Variants in TAF4B observed in about 807,000 individuals in gnomAD.
TAF4B encodes the protein transcription initiation factor TFIID subunit 4B.
In TAF4B, 38 loss-of-function variants were observed where a neutral mutation model predicts 86.4. The observed-to-expected ratio is 0.44, with a 90% CI of 0.34 to 0.58. The LOEUF is 0.58. Ranked by LOEUF, TAF4B falls within the 20% of genes least tolerant of loss-of-function variation. The pLI is 0.02. For missense variants in TAF4B, 988 were observed against 1,027.6 expected, an observed-to-expected ratio of 0.96 and a Z score of 0.53; for synonymous variants, 388 against 391.2, an observed-to-expected ratio of 0.99 and a Z score of 0.10.
intron 7 of TAF4B, among the ~76,000 whole-genome samples, chr18:26,291,349 C>T (rs1200600442): frequency 1.3e-5 from 2 of 151,948 alleles, no homozygotes; most frequent in Non-Finnish European, 2.9e-5. Flanking sequence ...CAGCCTCCGC[C>T]TCCTGCTTTC....
chr18:26,329,018 C>G (rs2057030108), intron 12 of TAF4B, among the ~76,000 whole-genome samples: 1 of 151,958 alleles, frequency 6.6e-6, no homozygotes, highest in Non-Finnish European at 1.5e-5. Flanking sequence ...TCCTCCCTTT[C>G]TTTCTTCTTC....
chr18:26,308,245 AAGAG>A lies in TAF4B; in HGVS notation c.1833-6976_1833-6973del, dbSNP rs538211929. 5.9e-5 allele frequency among the ~76,000 whole-genome samples: 9 copies of A among 152,288 alleles called. No homozygotes were observed. In the South Asian group the frequency reaches 1.9e-3, roughly 32 times the overall value. On this transcript the variant is annotated intron_variant, in intron 9 of 14. Transcript: ENST00000269142. ...CTCCAGCCTGGGTGTCTTAATAAAA[AAGAG>A]AGAGAGAAAAAAGAAATGAGGTTGT...
At chr18:26,240,307 G>T (rs533550060) in intron 1 of TAF4B, among the ~76,000 whole-genome samples, 36 of 152,294 alleles carry the variant, frequency 2.4e-4, no homozygotes, top group East Asian at 9.6e-4. Flanking sequence ...CACGTCCCTT[G>T]TAAGTTGGAT....
Position 26,274,978 on chromosome 18 carries a change from A to T in TAF4B, c.807A>T (p.Leu269Phe), listed in dbSNP as rs2056366631. 3.1e-6 allele frequency: 5 copies of T among 1,613,124 alleles called. No individual in the cohort carries two copies. Among genetic ancestry groups the T allele is most frequent in the African/African-American group, 1.3e-5 (1 of 74,896 alleles). Residue 269 changes from leucine (L) to phenylalanine (F), a missense_variant, in exon 5 of 15, where the codon TTA becomes TTT. Coordinates refer to ENST00000269142, the MANE Select transcript of TAF4B (RefSeq NM_005640.3). ...VKKCKNFLAM[L>F]IKLACSGSQS... ...AATGCAAGAACTTCCTTGCAATGTTAATAAAACTAGCATGTAGTGGATCAC... is the reference window on the plus strand; with the variant it reads ...AATGCAAGAACTTCCTTGCAATGTTTATAAAACTAGCATGTAGTGGATCAC...
At chr18:26,242,540 T>C (rs1466320142) in intron 1 of TAF4B, among the ~76,000 whole-genome samples, 3 of 152,186 alleles carry the variant, frequency 2.0e-5, no homozygotes. Context: ...CTTTATCCAG[T>C]TTGCCAGTCT....
At chr18:26,244,533 G>T (rs916595674) in intron 1 of TAF4B, among the ~76,000 whole-genome samples, 1 of 152,140 alleles carries the variant, frequency 6.6e-6, no homozygotes, top group African/African-American at 2.4e-5. Flanking sequence ...CCTGGGTGAG[G>T]CGATGCCCCC....
intron 11 of TAF4B, among the ~76,000 whole-genome samples, chr18:26,326,146 T>A (rs2057002720): frequency 6.6e-6 from 1 of 152,180 alleles, no homozygotes; most frequent in Non-Finnish European, 1.5e-5. Flanking sequence ...AAACATTGAT[T>A]AGAAAGCTCT....
At chr18:26,249,478 A>T (rs1540098) in intron 1 of TAF4B, among the ~76,000 whole-genome samples, 335 of 114,110 alleles carry the variant, frequency 2.9e-3, no homozygotes, top group African/African-American at 0.011. Flanking sequence ...TCTCTCTCTC[A>T]AAAAAAAAAA....
chr18:26,343,703 C>T (rs1259435849), intron 13 of TAF4B, among the ~76,000 whole-genome samples: 2 of 152,106 alleles, frequency 1.3e-5, no homozygotes, highest in East Asian at 1.9e-4. Flanking sequence ...ATGGAAAATA[C>T]ACTATGTGCA....
rs377189550 is a variant in TAF4B, at chr18:26,274,711, T to C, written c.646T>C (p.Leu216=). 31 of 1,614,062 alleles carry C rather than the reference T, an allele frequency of 1.9e-5. No homozygotes were observed. Among genetic ancestry groups the C allele is most frequent in the East Asian group, 4.5e-5 (2 of 44,890 alleles). ...SVVTVTPGKP[L]NTVTTLKPSS... is the part of the protein sequence containing the mutation. ...CGTCACAGTTACTCCTGGAAAGCCATTGAATACTGTAACTACCCTGAAGCC... is the reference window on the plus strand; with the variant it reads ...CGTCACAGTTACTCCTGGAAAGCCACTGAATACTGTAACTACCCTGAAGCC... The change falls in exon 4 of 15, where the codon TTG becomes CTG. Residue 216 remains leucine (L), a synonymous_variant. Transcript: ENST00000269142.
In TAF4B at chr18:26,261,212, C is replaced by T. The variant is rs562451940; in HGVS notation, c.344-3958C>T. Among the ~76,000 whole-genome samples, 671 of 117,210 alleles carry T rather than the reference C, an allele frequency of 5.7e-3. 11 individuals are homozygous for T. The highest frequency in any genetic ancestry group is 0.019 in the African/African-American group (613 of 32,258). The allele number at this position is 117,210 out of a possible 152,430, so 76.9% of individuals were successfully genotyped here. The stretch of plus-strand genomic sequence containing the variant: ...TTTTTTTTTTTTTGAGACGGAGTCT[C>T]GCTCTGTCGCCCAGGCTGGAGTGCA... On this transcript the variant is annotated intron_variant, in intron 1 of 14. Coordinates refer to ENST00000269142, the MANE Select transcript of TAF4B (RefSeq NM_005640.3).
chr18:26,292,693 T>C (rs548741963), intron 8 of TAF4B, among the ~76,000 whole-genome samples: 1 of 152,226 alleles, frequency 6.6e-6, no homozygotes, highest in South Asian at 2.1e-4. Flanking sequence ...TGGCTAATTT[T>C]TGTATTTTTA....
At chr18:26,308,941 C>T (rs1449745615) in intron 9 of TAF4B, among the ~76,000 whole-genome samples, 1 of 149,474 alleles carries the variant, frequency 6.7e-6, no homozygotes, top group East Asian at 2.0e-4. Context: ...TAGGAAAGAG[C>T]TAGTACATAC....
In TAF4B at chr18:26,227,164, C is replaced by T; in HGVS notation, c.231C>T (p.Ser77=). 1 of 1,614,122 alleles carries T rather than the reference C, an allele frequency of 6.2e-7. No individual in the cohort carries two copies. The highest frequency in any genetic ancestry group is 1.1e-5 in the South Asian group (1 of 91,088). Residue 77 remains serine, a synonymous_variant, in exon 1 of 15, where the codon AGC becomes AGT. Transcript: ENST00000269142. ...GTLVTKVAPV[S]APPKVSSGPR... ...TGGTGACCAAAGTGGCTCCGGTCAG[C>T]GCCCCTCCTAAAGTCAGCAGCGGCC...
chr18:26,233,349 G>C (rs2055701159), intron 1 of TAF4B, among the ~76,000 whole-genome samples: 3 of 152,118 alleles, frequency 2.0e-5, no homozygotes, highest in African/African-American at 7.2e-5. Context: ...CTAGCGGTGG[G>C]GGCGCTGCTG....
rs536863843 is a variant in TAF4B at position 26,231,034 on chromosome 18, C to CTTTTTTTTTTTTTTTTTT, written c.343+3766_343+3783dup. ...GACAAACTTGTGGTGTGTTGTTTTG[C>CTTTTTTTTTTTTTTTTTT]TTTTTTTTTTTTTTTTTTTTTTTTT... On this transcript the variant is annotated intron_variant, in intron 1 of 14. Transcript: ENST00000269142. Among the ~76,000 whole-genome samples the CTTTTTTTTTTTTTTTTTT allele has an allele frequency of 1.7e-4, 11 of 66,162 alleles. 1 individual carries two copies. The highest frequency in any genetic ancestry group is 2.0e-4 in the Non-Finnish European group (7 of 35,558). The allele number at this position is 66,162 out of a possible 152,430, so 43.4% of individuals were successfully genotyped here.
Position 26,226,640 on chromosome 18 carries a change from G to C in TAF4B, c.-294G>C, listed in dbSNP as rs535089622. On this transcript the variant is annotated 5_prime_UTR_variant, in exon 1 of 15. Transcript: ENST00000269142. ...CCCCCGCAGCGGGACCCGAGCCTGAGGCGCAGGGCTGAGGCAGCGCACGTG... is the reference window on the plus strand; with the variant it reads ...CCCCCGCAGCGGGACCCGAGCCTGACGCGCAGGGCTGAGGCAGCGCACGTG... 3.0e-5 allele frequency: 9 copies of C among 296,228 alleles called. No individual in the cohort carries two copies. Among genetic ancestry groups the C allele is most frequent in the African/African-American group, 1.9e-4 (9 of 46,278 alleles). 18.3% of individuals were successfully genotyped at this position (296,228 alleles called of 1,614,324 possible).
At chr18:26,265,442 C>G (rs1403089620) in intron 2 of TAF4B, 127 bp downstream of exon 2, 1 of 1,125,974 alleles carries the variant, frequency 8.9e-7, no homozygotes, top group African/African-American at 1.6e-5. Flanking sequence ...TTTAGGTCAG[C>G]TTGCCTTGAA....
intron 11 of TAF4B, 36 bp downstream of exon 11, chr18:26,321,236 G>A: frequency 6.2e-7 from 1 of 1,607,692 alleles, no homozygotes; most frequent in Non-Finnish European, 8.5e-7. Context: ...AAACTCTCGA[G>A]TGTTATAGGT....
Sources: gnomAD v4.1 joint callset for allele counts (sites outside exome capture counted in the v4.1 genomes callset) on GRCh38, gnomAD v4.1.1 for gene constraint, MANE v1.5 for transcripts, NCBI Gene and HGNC (gene_info 2026-07-23, HGNC 2026-07-21) for gene names.